The following AGAP3 variants were observed in gnomAD, a reference collection of about 807,000 sequenced individuals.
AGAP3 encodes arf-GAP with GTPase, ANK repeat and PH domain-containing protein 3.
A neutral mutation model predicts 96.9 loss-of-function variants in AGAP3; 24 were observed. The observed-to-expected ratio is 0.25, with a 90% CI of 0.18 to 0.35. AGAP3 has a LOEUF of 0.35. AGAP3 is among the 10% of genes least tolerant of loss of function. The pLI is 1.00. For missense variants in AGAP3, 876 were observed against 1,254.2 expected, an observed-to-expected ratio of 0.70 and a Z score of 4.55; for synonymous variants, 563 against 536.1, an observed-to-expected ratio of 1.05 and a Z score of -0.69.
chr7:151,110,357 C>A (rs966387178), intron 1 of AGAP3, among the ~76,000 whole-genome samples: 1 of 152,204 alleles, frequency 6.6e-6, no homozygotes, highest in Non-Finnish European at 1.5e-5. Flanking sequence ...GATGGTCAGC[C>A]TCCCAAGGAA....
chr7:151,126,259 G>A (rs1800163925), intron 9 of AGAP3, among the ~76,000 whole-genome samples: 1 of 152,198 alleles, frequency 6.6e-6, no homozygotes, highest in African/African-American at 2.4e-5. Context: ...GAAAGGAGGT[G>A]CGGAGACCCC....
intron 1 of AGAP3, among the ~76,000 whole-genome samples, chr7:151,100,013 C>T (rs1798773291): frequency 6.6e-6 from 1 of 152,150 alleles, no homozygotes; most frequent in South Asian, 2.1e-4. Flanking sequence ...GGGAAGAGCC[C>T]GCGGTGCTGC....
chr7:151,090,238 G>A (rs556295802), intron 1 of AGAP3: 1 of 53,970 alleles, frequency 1.9e-5, no homozygotes, highest in South Asian at 4.4e-4. Context: ...TTCCCAGATG[G>A]GGGGGGGGGG....
chr7:151,135,919 C>G (rs1409372906), intron 11 of AGAP3, among the ~76,000 whole-genome samples: 1 of 152,204 alleles, frequency 6.6e-6, no homozygotes, highest in Non-Finnish European at 1.5e-5. Context: ...CTTCTTTCCT[C>G]TAAGCCACCC....
rs1799132158 is a variant in AGAP3, at chr7:151,108,090, T to G, written c.332-8703T>G. Among the ~76,000 whole-genome samples the G allele has an allele frequency of 6.6e-6, 1 of 152,214 alleles. No individual in the cohort carries two copies. The highest frequency in any genetic ancestry group is 6.5e-5 in the Admixed American group (1 of 15,280). ...GCAGAGCTAAGCCCACAGTTGCTGTTGCTGGTCAGAGCTGGAGTGGCGTCA... is the reference window on the plus strand; with the variant it reads ...GCAGAGCTAAGCCCACAGTTGCTGTGGCTGGTCAGAGCTGGAGTGGCGTCA... On this transcript the variant is annotated intron_variant, in intron 1 of 17. Transcript: ENST00000397238. This position sits in a 1 kb window ranked among gnomAD's most constrained non-coding sequence, Gnocchi z 4.2.
In AGAP3 at chr7:151,099,365, A is replaced by C. The variant is rs116329343; in HGVS notation, c.331+12293A>C. On this transcript the variant is annotated intron_variant, in intron 1 of 17. Transcript: ENST00000397238. Reference sequence around the variant, plus strand: ...CTCAAAAAAAAAAAAAAAAATCAGAATAATGTGCCCTTCTCAGTCACATAA... The same window carrying C: ...CTCAAAAAAAAAAAAAAAAATCAGACTAATGTGCCCTTCTCAGTCACATAA... Among the ~76,000 whole-genome samples the C allele has an allele frequency of 5.5e-3, 841 of 151,702 alleles. 11 individuals carry two copies. The highest frequency in any genetic ancestry group is 0.019 in the African/African-American group (781 of 41,328).
chr7:151,137,823 T>G lies in AGAP3; in HGVS notation c.1496-320T>G, dbSNP rs1800660519. On this transcript the variant is annotated intron_variant, in intron 11 of 17. Coordinates refer to ENST00000397238, the MANE Select transcript of AGAP3 (RefSeq NM_031946.7). ...CCAGGAGGGGCCCCTCAAGGAGCAC[T>G]GCGGCGATGGGTGTCAGCACCACCC... is the stretch of plus-strand genomic sequence containing the variant. 1.0e-5 allele frequency: 4 copies of G among 396,432 alleles called. No homozygotes were observed. In the Admixed American group the frequency reaches 1.3e-4, roughly 13 times the overall value. The allele number at this position is 396,432 out of a possible 1,614,324, so 24.6% of individuals were successfully genotyped here. A position where few individuals can be genotyped will look rare whatever the true frequency, so the allele number is the denominator to read the frequency against.
Position 151,114,463 on chromosome 7 carries a change from G to A in AGAP3, c.332-2330G>A, listed in dbSNP as rs1443596947. ...ACCTACCTGCCGGATCCTAGGAGGC[G>A]CCCTGGGCTGGAATTTCCTGTTTTC... On this transcript the variant is annotated intron_variant, in intron 1 of 17. Coordinates refer to ENST00000397238, the MANE Select transcript of AGAP3 (RefSeq NM_031946.7). The surrounding 1 kb of genome is among the most constrained non-coding windows in gnomAD (Gnocchi z 4.4). 2.0e-5 allele frequency among the ~76,000 whole-genome samples: 3 copies of A among 152,206 alleles called. No homozygotes were observed. The highest frequency in any genetic ancestry group is 4.4e-5 in the Non-Finnish European group (3 of 68,032).
At chr7:151,100,917 G>A (rs1798811096) in intron 1 of AGAP3, among the ~76,000 whole-genome samples, 1 of 152,188 alleles carries the variant, frequency 6.6e-6, no homozygotes, top group Admixed American at 6.5e-5. Flanking sequence ...ACAGGACCCT[G>A]CCTGGCCGAC....
chr7:151,143,493 C>T lies in AGAP3; in HGVS notation c.2426C>T (p.Ser809Phe), dbSNP rs749360252. The T allele has an allele frequency of 2.5e-6, 4 of 1,614,116 alleles. No homozygotes were observed. The highest frequency in any genetic ancestry group is 4.5e-5 in the East Asian group (2 of 44,900). The change falls in exon 17 of 18, where the codon TCC (serine) becomes TTC (phenylalanine). Residue 809 changes from serine (S) to phenylalanine (F), a missense_variant. Ser to Phe is a radical substitution (Grantham distance 155). This residue lies in a region of AGAP3 where 213 missense variants were observed against 253.8 expected (regional missense o/e 0.84). Transcript: ENST00000397238. The surrounding 1 kb of genome is among the most constrained non-coding windows in gnomAD (Gnocchi z 5.9). ...RLLVMLLAHG[S>F]KEEVNETYGD... ...TTGGTGATGCTCCTGGCACATGGCT[C>T]CAAAGAGGAGGTGAATGAGACCTAT...
At chr7:151,126,136 C>A (rs1484606309) in intron 9 of AGAP3, among the ~76,000 whole-genome samples, 2 of 151,462 alleles carry the variant, frequency 1.3e-5, no homozygotes, top group African/African-American at 4.8e-5. Context: ...GCGGCTCCCT[C>A]GCCTCCGCCT....
At position 151,118,764 on chromosome 7, in the gene AGAP3, C is replaced by T. The variant is rs1169592406; in HGVS notation, c.969+132C>T. On this transcript the variant is annotated intron_variant, in intron 7 of 17. Coordinates refer to ENST00000397238, the MANE Select transcript of AGAP3 (RefSeq NM_031946.7). The surrounding 1 kb of genome is among the most constrained non-coding windows in gnomAD (Gnocchi z 6.1). Reference sequence around the variant, plus strand: ...TCTGGCCTCCCAGCCTTGCATGTTGCTTGGAAACATTGGTTGGAATTCCAT... The same window carrying T: ...TCTGGCCTCCCAGCCTTGCATGTTGTTTGGAAACATTGGTTGGAATTCCAT... 5 of 1,286,756 alleles carry T rather than the reference C, an allele frequency of 3.9e-6. No individual in the cohort carries two copies. The highest frequency in any genetic ancestry group is 3.3e-6 in the Non-Finnish European group (3 of 921,210). The allele number at this position is 1,286,756 out of a possible 1,614,324, so 79.7% of individuals were successfully genotyped here. A position where few individuals can be genotyped will look rare whatever the true frequency, so the allele number is the denominator to read the frequency against.
chr7:151,120,297 C>T, intron 8 of AGAP3, 152 bp downstream of exon 8: 2 of 864,272 alleles, frequency 2.3e-6, no homozygotes, highest in Non-Finnish European at 3.5e-6. Context: ...TCCCGAGGGT[C>T]CTTGCCGGTG....
intron 10 of AGAP3, among the ~76,000 whole-genome samples, chr7:151,131,961 G>A (rs1000467431): frequency 6.6e-6 from 1 of 152,214 alleles, no homozygotes; most frequent in African/African-American, 2.4e-5. Context: ...ACTGCTGTCT[G>A]TAGTAGCCGA....
intron 8 of AGAP3, 109 bp from the exon 9 acceptor site, chr7:151,123,685 G>C: frequency 6.3e-7 from 1 of 1,577,472 alleles, no homozygotes; most frequent in Non-Finnish European, 8.6e-7. Flanking sequence ...CCGACCCACT[G>C]CTAGGGCTGC....
At chr7:151,115,657 T>TG (rs1270090268) in intron 1 of AGAP3, 15 of 1,153,452 alleles carry the variant, frequency 1.3e-5, no homozygotes, top group East Asian at 4.0e-5. Context: ...GGGGCGGGCC[T>TG]GGGGGGCGTC....
intron 1 of AGAP3, among the ~76,000 whole-genome samples, chr7:151,089,003 A>G (rs777616312): frequency 5.5e-4 from 84 of 151,856 alleles, no homozygotes; most frequent in Non-Finnish European, 9.3e-4. Flanking sequence ...GCCGCGGCTC[A>G]CACATCCGTT....
intron 7 of AGAP3, chr7:151,119,144 C>T: frequency 5.6e-6 from 1 of 178,280 alleles, no homozygotes; most frequent in Non-Finnish European, 1.2e-5. Flanking sequence ...TGTCTCTGAG[C>T]AGCCCCGCCC....
At chr7:151,126,921 C>G (rs1415375450) in intron 9 of AGAP3, among the ~76,000 whole-genome samples, 2 of 152,232 alleles carry the variant, frequency 1.3e-5, no homozygotes, top group African/African-American at 4.8e-5. Flanking sequence ...CTTCAACTCC[C>G]AGCCCGCATG....
Sources: gnomAD v4.1 joint callset for allele counts (sites outside exome capture counted in the v4.1 genomes callset) on GRCh38, gnomAD v4.1.1 for gene constraint, gnomAD v4.1.1 regional missense constraint, Gnocchi (gnomAD v3.1) non-coding constraint, MANE v1.5 for transcripts, NCBI Gene and HGNC (gene_info 2026-07-23, HGNC 2026-07-21) for gene names.